Variants in CMTM4 observed in about 807,000 individuals in gnomAD.
CMTM4 encodes the protein CKLF-like MARVEL transmembrane domain-containing protein 4.
In CMTM4, 8 loss-of-function variants were observed where a neutral mutation model predicts 19.0. The ratio of observed to expected loss-of-function variants is 0.42; its 90% confidence interval spans 0.25 to 0.76. The LOEUF (loss-of-function observed/expected upper bound fraction) is 0.76. CMTM4 is among the 30% of genes least tolerant of loss of function. The pLI is 0.27. For missense variants in CMTM4, 228 were observed against 290.2 expected (o/e 0.79, Z 1.56); for synonymous variants, 106 against 121.1 (o/e 0.88, Z 0.82).
the CMTM4 span, chr16:66,604,876 T>C: frequency 7.0e-7 from 1 of 1,422,584 alleles, no homozygotes; most frequent in South Asian, 1.4e-5. Flanking sequence ...GGCCCCGCGG[T>C]CCCCGGGCTC....
chr16:66,618,788 C>A lies in CMTM4; in HGVS notation c.*3270G>T. On this transcript the variant is annotated 3_prime_UTR_variant, in exon 4 of 4. Coordinates refer to ENST00000394106, the MANE Select transcript of CMTM4 (RefSeq NM_181521.3). ...GAGTCACGAAGCTGTCCCAGAAGCA[C>A]CCGACATAGGGTGGAGGTCAGACAC... The A allele has an allele frequency of 1.0e-6, 1 of 985,490 alleles. No homozygotes were observed. The allele number at this position is 985,490 out of a possible 1,614,324, so 61.0% of individuals were successfully genotyped here.
At chr16:66,642,724 AC>A (rs2016118149) in intron 1 of CMTM4, among the ~76,000 whole-genome samples, 1 of 152,152 alleles carries the variant, frequency 6.6e-6, no homozygotes. Context: ...ACCAAAACAA[AC>A]AAACGAACAA....
At chr16:66,685,566 C>T (rs1596963977) in intron 1 of CMTM4, among the ~76,000 whole-genome samples, 1 of 152,196 alleles carries the variant, frequency 6.6e-6, no homozygotes, top group East Asian at 1.9e-4. Flanking sequence ...GAGAGAGAAG[C>T]ATCCTGACAC....
intron 1 of CMTM4, among the ~76,000 whole-genome samples, chr16:66,649,838 G>A (rs1226730937): frequency 2.6e-5 from 4 of 152,152 alleles, no homozygotes; most frequent in African/African-American, 9.7e-5. Flanking sequence ...GTACATGTCA[G>A]GATCACAGAC....
At chr16:66,673,171 A>G (rs1198631433) in intron 1 of CMTM4, among the ~76,000 whole-genome samples, 1 of 141,722 alleles carries the variant, frequency 7.1e-6, no homozygotes, top group Non-Finnish European at 1.5e-5. Flanking sequence ...TCAGCCTCCC[A>G]AAGTGCTGGG....
intron 1 of CMTM4, among the ~76,000 whole-genome samples, chr16:66,657,354 G>C (rs1309830430): frequency 6.6e-6 from 1 of 152,162 alleles, no homozygotes; most frequent in Non-Finnish European, 1.5e-5. Context: ...GTCTCCCAAA[G>C]TACTGGGATT....
chr16:66,650,258 T>G (rs1423443480), intron 1 of CMTM4, among the ~76,000 whole-genome samples: 1 of 152,192 alleles, frequency 6.6e-6, no homozygotes, highest in African/African-American at 2.4e-5. Flanking sequence ...CTCACCAAAG[T>G]GCCTCTGTTT....
the CMTM4 span, chr16:66,608,288 C>T: frequency 2.4e-5 from 38 of 1,613,520 alleles, no homozygotes; most frequent in Non-Finnish European, 3.1e-5. This position sits in a 1 kb window ranked among gnomAD's most constrained non-coding sequence, Gnocchi z 5.1. Flanking sequence ...TCTGACTTCA[C>T]CTCAAACTCC....
chr16:66,668,156 A>C (rs1386304042), intron 1 of CMTM4, among the ~76,000 whole-genome samples: 2 of 148,966 alleles, frequency 1.3e-5, no homozygotes, highest in African/African-American at 5.0e-5. Flanking sequence ...TCACACCACC[A>C]ACAGAGCTAT....
Position 66,687,682 on chromosome 16 carries a change from A to ATT in CMTM4, c.186+8656_186+8657dup, listed in dbSNP as rs1176777153. 4.3e-3 allele frequency among the ~76,000 whole-genome samples: 398 copies of ATT among 93,194 alleles called. 1 individual carries two copies. The highest frequency in any genetic ancestry group is 9.0e-3 in the African/African-American group (235 of 26,198). 61.1% of individuals were successfully genotyped at this position (93,194 alleles called of 152,430 possible). On this transcript the variant is annotated intron_variant, in intron 1 of 3. Transcript: ENST00000394106. The stretch of plus-strand genomic sequence containing the variant: ...ATAACCAAATACCGTAAAAAGGGTA[A>ATT]TTTTTTTTTTTTTTTTTTTTTTTGA...
chr16:66,647,624 T>C (rs2016229453), intron 1 of CMTM4, among the ~76,000 whole-genome samples: 1 of 152,160 alleles, frequency 6.6e-6, no homozygotes, highest in Admixed American at 6.5e-5. Context: ...TCTATCTCTC[T>C]GAGTGCTACT....
chr16:66,672,647 G>A (rs942044085), intron 1 of CMTM4, among the ~76,000 whole-genome samples: 2 of 151,562 alleles, frequency 1.3e-5, no homozygotes, highest in Non-Finnish European at 2.9e-5. Flanking sequence ...TTTTTTTTGA[G>A]ATGGAGTCTC....
chr16:66,620,570 GCACA>G lies in CMTM4; in HGVS notation c.*1484_*1487del, dbSNP rs2015612308. The G allele has an allele frequency of 1.0e-6, 1 of 985,404 alleles. No homozygotes were observed. The highest frequency in any genetic ancestry group is 4.7e-5 in the South Asian group (1 of 21,292). 61.0% of individuals were successfully genotyped at this position (985,404 alleles called of 1,614,324 possible). ...CATGTCCATAAGGTGACGCTTTCTT[GCACA>G]GACCCCCCGCCGCCCCCTCGGAGTT... On this transcript the variant is annotated 3_prime_UTR_variant, in exon 4 of 4. Coordinates refer to ENST00000394106, the MANE Select transcript of CMTM4 (RefSeq NM_181521.3).
chr16:66,663,132 G>A (rs139715050), intron 1 of CMTM4, among the ~76,000 whole-genome samples: 12 of 152,206 alleles, frequency 7.9e-5, no homozygotes, highest in East Asian at 3.9e-4. Flanking sequence ...GATTGCTTTC[G>A]AAAACAAAAC....
chr16:66,607,008 G>C, the CMTM4 span, among the ~76,000 whole-genome samples: 1 of 152,164 alleles, frequency 6.6e-6, no homozygotes, highest in Non-Finnish European at 1.5e-5. Context: ...GCGGAGGTAA[G>C]ATAACTCTAT....
Position 66,636,560 on chromosome 16 carries a change from T to G in CMTM4, c.208A>C (p.Ile70Leu). Residue 70 changes from isoleucine (I) to leucine (L), a missense_variant, in exon 2 of 4, where the codon ATC becomes CTC. Physicochemically the swap from Ile to Leu is conservative, Grantham distance 5. This residue lies in a region of CMTM4 where 200 missense variants were observed against 226.6 expected (regional missense o/e 0.88). Coordinates refer to ENST00000394106, the MANE Select transcript of CMTM4 (RefSeq NM_181521.3). ...CATGCCATGATGGTCTCTATGCAGA[T>G]GAATGCAATCAGGGCCAAGATCTAG... ...AQVILALIAF[I>L]CIETIMACSP... 4.3e-6 allele frequency: 7 copies of G among 1,614,148 alleles called. No homozygotes were observed. Among genetic ancestry groups the G allele is most frequent in the Non-Finnish European group, 5.9e-6 (7 of 1,180,008 alleles).
chr16:66,670,350 A>G (rs2016680179), intron 1 of CMTM4, among the ~76,000 whole-genome samples: 1 of 147,928 alleles, frequency 6.8e-6, no homozygotes, highest in Non-Finnish European at 1.5e-5. Flanking sequence ...GCTACCCAGG[A>G]GGCTGAGGCA....
In CMTM4 at chr16:66,671,622, A is replaced by C. The variant is rs1285773398; in HGVS notation, c.186+24718T>G. ...GTTGCTTACACAGCTTGTCATGCTCAGAATCCTTAGCACACAAGAGGAGTG... is the reference window on the plus strand; with the variant it reads ...GTTGCTTACACAGCTTGTCATGCTCCGAATCCTTAGCACACAAGAGGAGTG... On this transcript the variant is annotated intron_variant, in intron 1 of 3. Coordinates refer to ENST00000394106, the MANE Select transcript of CMTM4 (RefSeq NM_181521.3). 2.6e-5 allele frequency among the ~76,000 whole-genome samples: 4 copies of C among 152,286 alleles called. No individual in the cohort carries two copies. The Middle Eastern group carries it at 0.01, about 388-fold the overall frequency.
chr16:66,598,856 G>A, the CMTM4 span, among the ~76,000 whole-genome samples: 1 of 152,122 alleles, frequency 6.6e-6, no homozygotes, highest in African/African-American at 2.4e-5. Context: ...AAAATTACGA[G>A]GGGGTCAGGC....
Sources: gnomAD v4.1 joint callset for allele counts (sites outside exome capture counted in the v4.1 genomes callset) on GRCh38, gnomAD v4.1.1 for gene constraint, gnomAD v4.1.1 regional missense constraint, Gnocchi (gnomAD v3.1) non-coding constraint, MANE v1.5 for transcripts, NCBI Gene and HGNC (gene_info 2026-07-23, HGNC 2026-07-21) for gene names.